Variants in BIRC6 observed in about 807,000 individuals in gnomAD.
The protein encoded by BIRC6 is baculoviral IAP repeat containing 6.
A neutral mutation model predicts 503.3 loss-of-function variants in BIRC6; 98 were observed. The observed-to-expected ratio is 0.19, with a 90% CI of 0.17 to 0.23. The LOEUF (loss-of-function observed/expected upper bound fraction) is 0.23, where lower values mean the gene tolerates loss of function less well. Among genes scored for constraint, BIRC6 ranks in the 10% least tolerant of loss-of-function variants. The pLI is 1.00. For missense variants in BIRC6, 5,360 were observed against 5,806.0 expected, an observed-to-expected ratio of 0.92 and a Z score of 2.50; for synonymous variants, 2,240 against 2,078.7, an observed-to-expected ratio of 1.08 and a Z score of -2.11.
intron 69 of BIRC6, among the ~76,000 whole-genome samples, chr2:32,599,354 T>C (rs551289524): frequency 3.9e-4 from 59 of 150,678 alleles, no homozygotes; most frequent in Non-Finnish European, 6.5e-4. Context: ...GCTGTTCTTA[T>C]TTTGGCCAGG....
chr2:32,443,759 T>C (rs957799085), intron 20 of BIRC6, among the ~76,000 whole-genome samples, 171 bp downstream of exon 20: 4 of 152,210 alleles, frequency 2.6e-5, no homozygotes, highest in Non-Finnish European at 5.9e-5. Context: ...ATATACTCCG[T>C]CAATAGTACT....
Position 32,357,108 on chromosome 2 carries a change from C to T in BIRC6, c.-54C>T. 2.2e-6 allele frequency: 3 copies of T among 1,387,718 alleles called. No individual in the cohort carries two copies. Among genetic ancestry groups the T allele is most frequent in the Admixed American group, 6.5e-5 (2 of 30,634 alleles). 86.0% of individuals were successfully genotyped at this position (1,387,718 alleles called of 1,614,324 possible). On this transcript the variant is annotated 5_prime_UTR_variant, in exon 1 of 74. Transcript: ENST00000421745. This position sits in a 1 kb window ranked among gnomAD's most constrained non-coding sequence, Gnocchi z 4.9. ...GGGCGATCGACGTTCCGCGTGCGTGCGGGCGCCTGACTTCACTTCCGGCTA... is the reference window on the plus strand; with the variant it reads ...GGGCGATCGACGTTCCGCGTGCGTGTGGGCGCCTGACTTCACTTCCGGCTA...
intron 39 of BIRC6, among the ~76,000 whole-genome samples, chr2:32,483,060 G>C (rs2050588522): frequency 6.6e-6 from 1 of 150,836 alleles, no homozygotes; most frequent in Admixed American, 6.6e-5. Flanking sequence ...TGGGAGTATA[G>C]GTGCATGCCA....
chr2:32,452,469 T>G (rs2148613471), intron 22 of BIRC6, among the ~76,000 whole-genome samples: 1 of 152,216 alleles, frequency 6.6e-6, no homozygotes, highest in Non-Finnish European at 1.5e-5. Context: ...GTGCTTAATA[T>G]TTTAAAGATA....
At chr2:32,515,906 A>G (rs946636097) in intron 55 of BIRC6, 136 bp downstream of exon 55, 4 of 781,926 alleles carry the variant, frequency 5.1e-6, no homozygotes, top group African/African-American at 3.5e-5. Flanking sequence ...AAGTACTGAT[A>G]TCTCCTTTCT....
At chr2:32,417,256 A>AATAGCTGGGACTACAGTGC (rs1274346952) in intron 10 of BIRC6, among the ~76,000 whole-genome samples, 2 of 152,098 alleles carry the variant, frequency 1.3e-5, no homozygotes, top group Non-Finnish European at 2.9e-5. Flanking sequence ...TGGTCTCCTG[A>AATAGCTGGGACTACAGTGC]ATAGCTGGGA....
chr2:32,481,313 T>C lies in BIRC6; in HGVS notation c.7409-7T>C, dbSNP rs775827451. On this transcript the variant is annotated splice_region_variant and splice_polypyrimidine_tract_variant and intron_variant, in intron 37 of 73. Transcript: ENST00000421745. ...CCACCAATAAGATCACTTTTAATTA[T>C]TTGAAGGTGCACCTCCTCTGTCCTC... is the stretch of plus-strand genomic sequence containing the variant. 6.3e-7 allele frequency: 1 copy of C among 1,577,814 alleles called. No homozygotes were observed. The highest frequency in any genetic ancestry group is 8.6e-7 in the Non-Finnish European group (1 of 1,161,956).
chr2:32,431,182 T>G, intron 12 of BIRC6, 92 bp downstream of exon 12: 1 of 135,174 alleles, frequency 7.4e-6, no homozygotes, highest in Non-Finnish European at 1.1e-5. Flanking sequence ...ACTGTTTATC[T>G]TTTTTTTTTT....
chr2:32,443,966 A>G (rs1037142597), intron 20 of BIRC6, among the ~76,000 whole-genome samples: 8 of 151,944 alleles, frequency 5.3e-5, no homozygotes, highest in African/African-American at 1.7e-4. Context: ...GTCATTGCAC[A>G]TGCATATGTT....
Position 32,460,264 on chromosome 2 carries a change from A to G in BIRC6, c.4754-2930A>G, listed in dbSNP as rs1457408479. 6.8e-5 allele frequency among the ~76,000 whole-genome samples: 2 copies of G among 29,484 alleles called. 1 individual carries two copies. Among genetic ancestry groups the G allele is most frequent in the Non-Finnish European group, 1.3e-4 (2 of 15,952 alleles). 19.3% of individuals were successfully genotyped at this position (29,484 alleles called of 152,430 possible). ...GTATATGATATATATATATATATAT[A>G]TATATATATTTTTTTTTTTTTTTTT... On this transcript the variant is annotated intron_variant, in intron 23 of 73. Transcript: ENST00000421745.
chr2:32,571,286 C>T (rs988597180), intron 65 of BIRC6, among the ~76,000 whole-genome samples: 3 of 151,196 alleles, frequency 2.0e-5, no homozygotes, highest in Non-Finnish European at 4.4e-5. Context: ...AGAATAAACT[C>T]CTCCTTAATT....
chr2:32,417,233 A>G (rs1238705636), intron 10 of BIRC6, among the ~76,000 whole-genome samples: 1 of 152,146 alleles, frequency 6.6e-6, no homozygotes, highest in Non-Finnish European at 1.5e-5. Flanking sequence ...GGGTGCAAGT[A>G]GTCCTCTCGC....
chr2:32,410,704 CTT>C (rs1404812049), intron 9 of BIRC6, among the ~76,000 whole-genome samples: 15 of 142,706 alleles, frequency 1.1e-4, no homozygotes, highest in Admixed American at 1.4e-4. Flanking sequence ...TGGGCAACTT[CTT>C]TTTTTTTTTT....
At position 32,524,920 on chromosome 2, in the gene BIRC6, G is replaced by A; in HGVS notation, c.11656G>A (p.Glu3886Lys). 1 of 1,510,434 alleles carries A rather than the reference G, an allele frequency of 6.6e-7. No homozygotes were observed. The highest frequency in any genetic ancestry group is 8.9e-7 in the Non-Finnish European group (1 of 1,124,378). 93.6% of individuals were successfully genotyped at this position (1,510,434 alleles called of 1,614,324 possible). A position where few individuals can be genotyped will look rare whatever the true frequency, so the allele number is the denominator to read the frequency against. The change falls in exon 58 of 74, where the codon GAA becomes AAA. Residue 3886 changes from glutamate to lysine, a missense_variant. Glu to Lys is a moderately conservative substitution (Grantham distance 56). Transcript: ENST00000421745. ...AAGTATCACAGCTAAATTAATTAGT[G>A]AACAAAAAGATGACAAAGAAAAGAA... ...TPSITAKLIS[E>K]QKDDKEKKNH...
intron 55 of BIRC6, among the ~76,000 whole-genome samples, chr2:32,517,771 C>CA (rs2055213479): frequency 4.5e-3 from 1 of 220 alleles, no homozygotes; most frequent in Non-Finnish European, 8.9e-3. Flanking sequence ...TGGGTAGAGA[C>CA]AGGTTTCACC....
chr2:32,501,009 T>C (rs2149462198), intron 46 of BIRC6, among the ~76,000 whole-genome samples: 1 of 152,308 alleles, frequency 6.6e-6, no homozygotes, highest in South Asian at 2.1e-4. Context: ...TTTGTTCACA[T>C]TTGCTTTAAA....
rs1002619026 is a variant in BIRC6, at chr2:32,514,553, C to T, written c.10569-437C>T. 7.2e-5 allele frequency among the ~76,000 whole-genome samples: 11 copies of T among 152,110 alleles called. No individual in the cohort carries two copies. The South Asian group carries it at 8.3e-4, about 11-fold the overall frequency. On this transcript the variant is annotated intron_variant, in intron 54 of 73. Coordinates refer to ENST00000421745, the MANE Select transcript of BIRC6 (RefSeq NM_016252.4). ...GGTAGGTCATCATATTTGGCCTTAG[C>T]GATTGGCATAATCCATGACTTAATT...
chr2:32,508,900 G>C (rs1033016539), intron 51 of BIRC6, among the ~76,000 whole-genome samples: 1 of 151,832 alleles, frequency 6.6e-6, no homozygotes, highest in South Asian at 2.1e-4. Context: ...CTAGCTAACA[G>C]GGCGAAACCC....
intron 69 of BIRC6, among the ~76,000 whole-genome samples, chr2:32,599,425 A>C (rs906032407): frequency 1.3e-5 from 2 of 151,790 alleles, no homozygotes; most frequent in Admixed American, 1.3e-4. Flanking sequence ...GGATCACTTG[A>C]GGCTAGGAGT....
Sources: gnomAD v4.1 joint callset for allele counts (sites outside exome capture counted in the v4.1 genomes callset) on GRCh38, gnomAD v4.1.1 for gene constraint, Gnocchi (gnomAD v3.1) non-coding constraint, MANE v1.5 for transcripts, NCBI Gene and HGNC (gene_info 2026-07-23, HGNC 2026-07-21) for gene names.